The following FILIP1L variants were observed in gnomAD, a reference collection of about 807,000 sequenced individuals.
FILIP1L encodes filamin A-interacting protein 1-like.
A neutral mutation model predicts 96.6 loss-of-function variants in FILIP1L; 55 were observed. That is an observed-to-expected ratio of 0.57 (90% CI 0.46 to 0.71). FILIP1L has a LOEUF of 0.71. Ranked by LOEUF, FILIP1L falls within the 30% of genes least tolerant of loss-of-function variation. The pLI is 0.00. For synonymous variants in FILIP1L, 467 were observed against 473.9 expected (o/e 0.99, Z 0.19); for missense variants, 1,304 against 1,321.2 (o/e 0.99, Z 0.20).
intron 1 of FILIP1L, among the ~76,000 whole-genome samples, chr3:99,966,227 T>C (rs1230237839): frequency 6.6e-6 from 1 of 152,182 alleles, no homozygotes. Context: ...CTAAGCAGGC[T>C]GCAGAGGCTG....
chr3:100,001,235 C>T (rs1158305192), intron 1 of FILIP1L, among the ~76,000 whole-genome samples: 1 of 152,170 alleles, frequency 6.6e-6, no homozygotes, highest in Non-Finnish European at 1.5e-5. Context: ...ACCAGCAGAT[C>T]AAATCAGACC....
At chr3:99,983,702 A>G (rs1420344270) in intron 1 of FILIP1L, among the ~76,000 whole-genome samples, 1 of 150,046 alleles carries the variant, frequency 6.7e-6, no homozygotes, top group East Asian at 1.9e-4. Context: ...AAAAAAAAAA[A>G]AGAAATGAGA....
At chr3:99,995,506 A>G (rs1215936804) in intron 1 of FILIP1L, among the ~76,000 whole-genome samples, 1 of 152,072 alleles carries the variant, frequency 6.6e-6, no homozygotes, top group Non-Finnish European at 1.5e-5. Context: ...GGTCTGGAGG[A>G]TGGTGGCCCT....
intron 1 of FILIP1L, among the ~76,000 whole-genome samples, chr3:100,029,161 A>G (rs1035628687): frequency 1.3e-5 from 2 of 152,094 alleles, no homozygotes; most frequent in Non-Finnish European, 2.9e-5. Flanking sequence ...CCTCGTCTTT[A>G]AAAAATAAGT....
chr3:99,883,462 G>A (rs933933839), intron 4 of FILIP1L, among the ~76,000 whole-genome samples: 1 of 152,154 alleles, frequency 6.6e-6, no homozygotes, highest in African/African-American at 2.4e-5. Flanking sequence ...ATTTCATCAT[G>A]ATTATTTCAG....
Position 100,032,592 on chromosome 3 carries a change from G to A in FILIP1L, c.-11+81461C>T, listed in dbSNP as rs541134308. On this transcript the variant is annotated intron_variant, in intron 1 of 5. Coordinates refer to ENST00000477258, the MANE Select transcript of FILIP1L (RefSeq NM_001387850.1). The stretch of plus-strand genomic sequence containing the variant: ...ACAGAAAATGCATTTTGTATCACAA[G>A]AACACATAAAAATCTCTATTTTTTG... Among the ~76,000 whole-genome samples, 105 of 152,186 alleles carry A rather than the reference G, an allele frequency of 6.9e-4. No individual in the cohort carries two copies. The South Asian group carries it at 0.021, about 31-fold the overall frequency.
At chr3:99,906,823 A>G (rs1334557612) in intron 4 of FILIP1L, among the ~76,000 whole-genome samples, 1 of 152,168 alleles carries the variant, frequency 6.6e-6, no homozygotes, top group African/African-American at 2.4e-5. Context: ...ACTTGAAAGC[A>G]AGACACTTTT....
At chr3:100,083,335 C>CACAA (rs906350014) in intron 1 of FILIP1L, among the ~76,000 whole-genome samples, 2 of 152,186 alleles carry the variant, frequency 1.3e-5, no homozygotes, top group African/African-American at 4.8e-5. Context: ...TAGCCCTTAA[C>CACAA]GTATGTTGTG....
intron 4 of FILIP1L, among the ~76,000 whole-genome samples, chr3:99,880,997 C>T (rs1458924835): frequency 2.6e-5 from 4 of 152,124 alleles, no homozygotes; most frequent in African/African-American, 7.2e-5. Context: ...TACATATTCT[C>T]CCTAGCATTG....
intron 4 of FILIP1L, among the ~76,000 whole-genome samples, chr3:99,890,967 C>G (rs1469451867): frequency 6.6e-6 from 1 of 152,090 alleles, no homozygotes; most frequent in Non-Finnish European, 1.5e-5. Context: ...TCCATTTGTG[C>G]CAAATGCCAA....
chr3:99,847,194 T>C (rs1425133535), intron 5 of FILIP1L, among the ~76,000 whole-genome samples: 1 of 152,038 alleles, frequency 6.6e-6, no homozygotes, highest in Non-Finnish European at 1.5e-5. Flanking sequence ...TTTTATTTGC[T>C]TGTTTAAAAA....
In FILIP1L at chr3:99,919,864, C is replaced by T. The variant is rs537728438; in HGVS notation, c.605+4366G>A. On this transcript the variant is annotated intron_variant, in intron 4 of 5. Transcript: ENST00000477258. The stretch of plus-strand genomic sequence containing the variant: ...CCAGGGTGTGGTCAAGGCAACAACA[C>T]TTGAAGCTGGACACCTGGTGACTTT... 1.8e-3 allele frequency among the ~76,000 whole-genome samples: 277 copies of T among 152,338 alleles called. 1 individual carries two copies. Among genetic ancestry groups the T allele is most frequent in the African/African-American group, 6.4e-3 (266 of 41,578 alleles).
intron 5 of FILIP1L, among the ~76,000 whole-genome samples, chr3:99,847,589 G>A (rs887229563): frequency 1.3e-4 from 19 of 151,926 alleles, no homozygotes; most frequent in Admixed American, 1.0e-3. Flanking sequence ...AAAATTATTC[G>A]GTAGTATTTT....
intron 4 of FILIP1L, among the ~76,000 whole-genome samples, chr3:99,905,939 T>A (rs571283138): frequency 6.6e-6 from 1 of 152,330 alleles, no homozygotes; most frequent in African/African-American, 2.4e-5. Flanking sequence ...ATGCTTGTAG[T>A]CCCAGCAGTT....
intron 4 of FILIP1L, among the ~76,000 whole-genome samples, chr3:99,897,786 A>T (rs2107622136): frequency 6.6e-6 from 1 of 152,340 alleles, no homozygotes; most frequent in East Asian, 1.9e-4. Flanking sequence ...GATGATGGTG[A>T]TCATAGAGGG....
intron 1 of FILIP1L, among the ~76,000 whole-genome samples, chr3:100,018,053 G>A (rs1710395967): frequency 6.6e-6 from 1 of 152,076 alleles, no homozygotes; most frequent in Non-Finnish European, 1.5e-5. Flanking sequence ...TGAAGGCTAG[G>A]TCCAGGGGCT....
chr3:100,026,382 CAT>C (rs2064921758), intron 1 of FILIP1L, among the ~76,000 whole-genome samples: 1 of 151,832 alleles, frequency 6.6e-6, no homozygotes, highest in Non-Finnish European at 1.5e-5. Context: ...GAAGGCCAGA[CAT>C]AAAACAAGGA....
intron 4 of FILIP1L, among the ~76,000 whole-genome samples, chr3:99,888,986 A>G (rs1413163222): frequency 2.0e-5 from 3 of 152,176 alleles, no homozygotes; most frequent in African/African-American, 7.2e-5. Context: ...GAATTTGATC[A>G]GTATGTTATC....
intron 1 of FILIP1L, among the ~76,000 whole-genome samples, chr3:99,984,724 A>C (rs1337302302): frequency 6.6e-6 from 1 of 152,232 alleles, no homozygotes; most frequent in African/African-American, 2.4e-5. Context: ...GAAGATGTGT[A>C]GTAAGAATAG....
Sources: allele counts gnomAD v4.1 joint callset (sites outside exome capture counted in the v4.1 genomes callset), GRCh38; gene constraint gnomAD v4.1.1; transcripts MANE v1.5; gene names NCBI Gene and HGNC (gene_info 2026-07-23, HGNC 2026-07-21).